Variants in HECTD2 observed in about 807,000 individuals in gnomAD.
HECTD2 encodes HECT domain E3 ubiquitin protein ligase 2.
Under a neutral mutation model 103.2 loss-of-function variants are expected in HECTD2, and 35 were observed. The ratio of observed to expected loss-of-function variants is 0.34; its 90% CI spans 0.26 to 0.45. The LOEUF (loss-of-function observed/expected upper bound fraction) is 0.45, where lower values mean the gene tolerates loss of function less well. HECTD2 is among the 20% of genes least tolerant of loss of function. HECTD2 has a pLI of 1.00. For missense variants in HECTD2, 596 were observed against 937.4 expected, an observed-to-expected ratio of 0.64 and a Z score of 4.76; for synonymous variants, 281 against 329.9, an observed-to-expected ratio of 0.85 and a Z score of 1.61.
intron 14 of HECTD2, among the ~76,000 whole-genome samples, chr10:91,494,715 A>G (rs1172672682): frequency 6.6e-6 from 1 of 152,018 alleles, no homozygotes; most frequent in African/African-American, 2.4e-5. Flanking sequence ...ACTCCTGTTT[A>G]TATTCTAGTA....
Position 91,460,478 on chromosome 10 carries a change from C to T in HECTD2, c.320C>T (p.Ser107Phe), listed in dbSNP as rs752363576. 6.2e-7 allele frequency: 1 copy of T among 1,612,234 alleles called. No homozygotes were observed. ...CLDVRQKQRT[S>F]MDASSSEMKA... ...GATGTTAGACAAAAACAGCGTACATCTATGGATGCATCATCATCCGAAATG... is the reference window on the plus strand; with the variant it reads ...GATGTTAGACAAAAACAGCGTACATTTATGGATGCATCATCATCCGAAATG... Residue 107 changes from serine to phenylalanine, a missense_variant, in exon 3 of 21, where the codon TCT becomes TTT. This residue lies in a region of HECTD2 where 220 missense variants were observed against 233.9 expected (regional missense o/e 0.94). Transcript: ENST00000298068.
chr10:91,431,429 CT>C, intron 2 of HECTD2, among the ~76,000 whole-genome samples: 1 of 152,192 alleles, frequency 6.6e-6, no homozygotes, highest in South Asian at 2.1e-4. Context: ...GTTGGCCTGC[CT>C]TGCTAGATTG....
chr10:91,467,524 C>T (rs1344077406), intron 5 of HECTD2, among the ~76,000 whole-genome samples: 1 of 152,136 alleles, frequency 6.6e-6, no homozygotes, highest in Non-Finnish European at 1.5e-5. Flanking sequence ...ACTTGCAGTG[C>T]ACCCTCGATG....
At position 91,501,302 on chromosome 10, in the gene HECTD2, T is replaced by C. The variant is rs372257553; in HGVS notation, c.2178T>C (p.Phe726=). Residue 726 remains phenylalanine (F), a synonymous_variant, in exon 20 of 21, where the codon TTT becomes TTC. Coordinates refer to ENST00000298068, the MANE Select transcript of HECTD2 (RefSeq NM_182765.6). ...VPVGGMADLN[F]KISKNETSTN... Reference sequence around the variant, plus strand: ...TAGGAGGGATGGCTGATTTGAACTTTAAAATCTCAAAGAATGAAACTTCTA... The same window carrying C: ...TAGGAGGGATGGCTGATTTGAACTTCAAAATCTCAAAGAATGAAACTTCTA... 50 of 1,599,792 alleles carry C rather than the reference T, an allele frequency of 3.1e-5. No individual in the cohort carries two copies. The highest frequency in any genetic ancestry group is 4.1e-5 in the Non-Finnish European group (48 of 1,174,288).
intron 17 of HECTD2, 23 bp from the exon 18 acceptor site, chr10:91,499,019 TAA>T: frequency 6.4e-7 from 1 of 1,559,754 alleles, no homozygotes; most frequent in Non-Finnish European, 8.8e-7. Flanking sequence ...TTTTACTATT[TAA>T]GAGATGTAAA....
intron 2 of HECTD2, among the ~76,000 whole-genome samples, chr10:91,439,748 C>A (rs1160487138): frequency 6.6e-6 from 1 of 152,044 alleles, no homozygotes; most frequent in African/African-American, 2.4e-5. Context: ...TGTGTCCTCT[C>A]TTCTTTCCTT....
intron 5 of HECTD2, among the ~76,000 whole-genome samples, chr10:91,476,976 C>T (rs1284186228): frequency 1.3e-5 from 2 of 149,280 alleles, no homozygotes; most frequent in African/African-American, 2.5e-5. Context: ...GTCAGGAGAT[C>T]GAGACCATCC....
At chr10:91,481,034 C>T (rs1450846545) in intron 6 of HECTD2, 60 bp from the exon 7 acceptor site, 2 of 1,035,180 alleles carry the variant, frequency 1.9e-6, no homozygotes, top group Middle Eastern at 2.1e-4. Flanking sequence ...TGGTCTTTTT[C>T]GTTAGATGCT....
chr10:91,413,053 G>A (rs1299223620), intron 1 of HECTD2, among the ~76,000 whole-genome samples: 2 of 152,052 alleles, frequency 1.3e-5, no homozygotes, highest in Admixed American at 6.6e-5. Flanking sequence ...CCAGCCTAAT[G>A]GTTCTGCCTG....
chr10:91,495,774 T>TA (rs765641725), intron 14 of HECTD2, among the ~76,000 whole-genome samples: 3 of 149,952 alleles, frequency 2.0e-5, no homozygotes, highest in Non-Finnish European at 4.4e-5. Flanking sequence ...TCTTCACACA[T>TA]AGTCTGTTTT....
At position 91,431,320 on chromosome 10, in the gene HECTD2, CT is replaced by C. The variant is rs1471899563; in HGVS notation, c.268+5912del. On this transcript the variant is annotated intron_variant, in intron 2 of 20. Transcript: ENST00000298068. ...CTCTGGCTTCCCTTAACATTTTTTC[CT>C]TCATTTCAAGTTTGGTGAATCTGAC... Among the ~76,000 whole-genome samples the C allele has an allele frequency of 2.1e-4, 32 of 152,034 alleles. 1 individual carries two copies. Among genetic ancestry groups the C allele is most frequent in the Non-Finnish European group, 4.0e-4 (27 of 67,972 alleles).
At chr10:91,427,815 A>G (rs1843637014) in intron 2 of HECTD2, among the ~76,000 whole-genome samples, 2 of 151,972 alleles carry the variant, frequency 1.3e-5, no homozygotes, top group Non-Finnish European at 2.9e-5. Context: ...AATTTTTCCC[A>G]TTTTGTAGGT....
chr10:91,492,833 T>G (rs1846530091), intron 13 of HECTD2, among the ~76,000 whole-genome samples: 1 of 152,108 alleles, frequency 6.6e-6, no homozygotes, highest in Non-Finnish European at 1.5e-5. Context: ...TGCTCTATAG[T>G]AACATTTAAA....
chr10:91,435,893 T>C (rs919274729), intron 2 of HECTD2, among the ~76,000 whole-genome samples: 4 of 151,986 alleles, frequency 2.6e-5, no homozygotes, highest in African/African-American at 9.7e-5. Context: ...CCTAATTTTC[T>C]TTTTTACTTG....
intron 2 of HECTD2, among the ~76,000 whole-genome samples, chr10:91,435,195 C>T (rs1295624068): frequency 6.6e-6 from 1 of 151,984 alleles, no homozygotes; most frequent in Non-Finnish European, 1.5e-5. Flanking sequence ...TTTGCCCTAC[C>T]CTTCTGTCCA....
At chr10:91,412,999 A>G (rs1392039321) in intron 1 of HECTD2, among the ~76,000 whole-genome samples, 1 of 152,122 alleles carries the variant, frequency 6.6e-6, no homozygotes, top group Admixed American at 6.5e-5. Flanking sequence ...ATTGTCATCA[A>G]TAACTTTTTC....
chr10:91,448,858 C>G (rs1223618671), intron 2 of HECTD2, among the ~76,000 whole-genome samples: 1 of 51,532 alleles, frequency 1.9e-5, no homozygotes, highest in Non-Finnish European at 3.9e-5. Context: ...AGACCAATAA[C>G]AAGTTCTGAA....
At chr10:91,422,015 G>A (rs1164277909) in intron 1 of HECTD2, among the ~76,000 whole-genome samples, 1 of 151,996 alleles carries the variant, frequency 6.6e-6, no homozygotes, top group Non-Finnish European at 1.5e-5. Flanking sequence ...CTTCCAGTAG[G>A]CCTGGTTTAG....
At chr10:91,437,619 C>CTTTTTTTTTTTTTTTTTTGGGTGTTTT in intron 2 of HECTD2, among the ~76,000 whole-genome samples, 1 of 87,426 alleles carries the variant, frequency 1.1e-5, no homozygotes, top group Non-Finnish European at 2.7e-5. Flanking sequence ...GATGGTTGTT[C>CTTTTTTTTTTTTTTTTTTGGGTGTTTT]TTTTTTTTTT....
Sources: allele counts gnomAD v4.1 joint callset (sites outside exome capture counted in the v4.1 genomes callset), GRCh38; gene constraint gnomAD v4.1.1; regional missense constraint gnomAD v4.1.1; transcripts MANE v1.5; gene names NCBI Gene and HGNC (gene_info 2026-07-23, HGNC 2026-07-21).